SSH2: variants seen among roughly 807,000 people sequenced by gnomAD.
The protein encoded by SSH2 is slingshot protein phosphatase 2, also known as protein phosphatase Slingshot homolog 2.
In SSH2, 37 loss-of-function variants were observed where a neutral mutation model predicts 135.2. The observed-to-expected ratio is 0.27, with a 90% confidence interval of 0.21 to 0.36. The LOEUF (loss-of-function observed/expected upper bound fraction) is 0.36. Among genes scored for constraint, SSH2 ranks in the 10% least tolerant of loss-of-function variants. The pLI is 1.00. For synonymous variants in SSH2, 628 were observed against 646.2 expected (o/e 0.97, Z 0.43); for missense variants, 1,408 against 1,765.3 (o/e 0.80, Z 3.63).
At chr17:29,852,180 G>A (rs1182675054) in intron 1 of SSH2, among the ~76,000 whole-genome samples, 1 of 151,634 alleles carries the variant, frequency 6.6e-6, no homozygotes, top group East Asian at 1.9e-4. Flanking sequence ...TACTGGGGAG[G>A]CTGAGACAGA....
intron 14 of SSH2, chr17:29,643,335 T>G: frequency 1.0e-6 from 1 of 958,466 alleles, no homozygotes; most frequent in Non-Finnish European, 1.2e-6. Context: ...AGAGGCCTGA[T>G]TTGATTTGGG....
At chr17:29,834,112 A>G (rs1450890502) in intron 2 of SSH2, among the ~76,000 whole-genome samples, 2 of 151,848 alleles carry the variant, frequency 1.3e-5, no homozygotes, top group Non-Finnish European at 2.9e-5. Flanking sequence ...CTGATGACAA[A>G]TTAACTTGAT....
chr17:29,843,894 T>C (rs1046179975), intron 2 of SSH2, among the ~76,000 whole-genome samples: 21 of 152,148 alleles, frequency 1.4e-4, no homozygotes, highest in African/African-American at 5.1e-4. Context: ...ATGTTAAAAA[T>C]CCCATAGAAG....
chr17:29,832,895 G>C (rs567764717), intron 2 of SSH2, among the ~76,000 whole-genome samples: 2 of 152,198 alleles, frequency 1.3e-5, no homozygotes, highest in African/African-American at 4.8e-5. Flanking sequence ...TTGAACTCCT[G>C]GCCTCAGGTG....
At chr17:29,814,897 G>C (rs896048302) in intron 2 of SSH2, among the ~76,000 whole-genome samples, 1 of 151,086 alleles carries the variant, frequency 6.6e-6, no homozygotes, top group Non-Finnish European at 1.5e-5. Flanking sequence ...TATTATAATG[G>C]GAAAGTGAAT....
intron 1 of SSH2, among the ~76,000 whole-genome samples, chr17:29,888,970 A>G (rs897626208): frequency 6.6e-5 from 10 of 150,934 alleles, no homozygotes; most frequent in African/African-American, 2.2e-4. Context: ...AAAGAAAAGA[A>G]AAAAAGACTA....
At chr17:29,651,047 AAT>A (rs2036560557) in intron 12 of SSH2, among the ~76,000 whole-genome samples, 1 of 152,222 alleles carries the variant, frequency 6.6e-6, no homozygotes, top group Non-Finnish European at 1.5e-5. Context: ...TCAACATCTA[AAT>A]TCCATTTTCA....
At chr17:29,642,740 A>G (rs1177051907) in intron 14 of SSH2, among the ~76,000 whole-genome samples, 2 of 152,182 alleles carry the variant, frequency 1.3e-5, no homozygotes, top group African/African-American at 2.4e-5. Context: ...GGAGGTGCAA[A>G]AAGTCCCTTG....
chr17:29,717,686 A>T (rs1037409177), intron 3 of SSH2, among the ~76,000 whole-genome samples: 2 of 152,172 alleles, frequency 1.3e-5, no homozygotes, highest in Non-Finnish European at 2.9e-5. Context: ...TTAAACAGAG[A>T]TCTGTAGGAA....
intron 12 of SSH2, 105 bp from the exon 13 acceptor site, chr17:29,650,905 T>C: frequency 1.1e-6 from 1 of 901,968 alleles, no homozygotes; most frequent in African/African-American, 1.7e-5. Flanking sequence ...TAGACTGAAA[T>C]TAAATACAAA....
At chr17:29,703,130 C>A in intron 3 of SSH2, 68 bp from the exon 4 acceptor site, 1 of 1,097,914 alleles carries the variant, frequency 9.1e-7, no homozygotes, top group South Asian at 1.2e-5. Context: ...GATGGATAAC[C>A]ACTTTTGGAT....
intron 1 of SSH2, among the ~76,000 whole-genome samples, chr17:29,888,437 C>G (rs1358204295): frequency 1.3e-5 from 2 of 152,010 alleles, no homozygotes; most frequent in Non-Finnish European, 2.9e-5. Context: ...ACTGAAATCC[C>G]AAGAAAGCAG....
Position 29,676,856 on chromosome 17 carries a change from A to C in SSH2, c.578T>G (p.Val193Gly), listed in dbSNP as rs2151058633. ...CACAGATACAGGTTTGAATATGTGA[A>C]CTCTGTTATCCGTCGATACACTGAA... ...GGFSVSTDNR[V>G]HIFKPVSVQA... The change falls in exon 8 of 16, where the codon GTT becomes GGT. Residue 193 changes from valine (V) to glycine (G), a missense_variant. By Grantham distance (109) the Val-to-Gly change is moderately radical. Coordinates refer to ENST00000540801, the MANE Select transcript of SSH2 (RefSeq NM_001282129.2). The C allele has an allele frequency of 6.2e-7, 1 of 1,614,002 alleles. No homozygotes were observed. Among genetic ancestry groups the C allele is most frequent in the East Asian group, 2.2e-5 (1 of 44,860 alleles).
chr17:29,700,548 A>G (rs2151117848), intron 4 of SSH2, among the ~76,000 whole-genome samples: 1 of 152,282 alleles, frequency 6.6e-6, no homozygotes, highest in South Asian at 2.1e-4. Context: ...ACTCATTCCT[A>G]TGTGAACATT....
intron 5 of SSH2, among the ~76,000 whole-genome samples, chr17:29,685,706 T>C (rs2038184170): frequency 6.7e-6 from 1 of 148,852 alleles, no homozygotes; most frequent in Admixed American, 6.7e-5. Context: ...GGAGGATCAC[T>C]GGAACCCAGG....
At chr17:29,642,533 T>C (rs145291106) in intron 14 of SSH2, among the ~76,000 whole-genome samples, 207 of 152,156 alleles carry the variant, frequency 1.4e-3, no homozygotes, top group African/African-American at 4.7e-3. Flanking sequence ...GGCAGTTTAA[T>C]GGAGTTTTAA....
At position 29,632,347 on chromosome 17, in the gene SSH2, T is replaced by C. The variant is rs769971412; in HGVS notation, c.2847A>G (p.Ser949=). Residue 949 remains serine, a synonymous_variant, in exon 16 of 16, where the codon TCA becomes TCG. Transcript: ENST00000540801. Reference sequence around the variant, plus strand: ...TCATTTCTGGTTCCTTGAGGACAAATGAATGTTCTGGGGGGGCTTCATCAC... The same window carrying C: ...TCATTTCTGGTTCCTTGAGGACAAACGAATGTTCTGGGGGGGCTTCATCAC... The part of the protein sequence containing the change: ...GKSDEAPPEH[S]FVLKEPEMSK... 6.2e-7 allele frequency: 1 copy of C among 1,613,944 alleles called. No homozygotes were observed. The highest frequency in any genetic ancestry group is 1.7e-5 in the Admixed American group (1 of 60,024).
chr17:29,644,232 G>C (rs138752210), intron 14 of SSH2, among the ~76,000 whole-genome samples: 103 of 152,340 alleles, frequency 6.8e-4, no homozygotes, highest in Middle Eastern at 3.4e-3. Flanking sequence ...AGAGGGTTTG[G>C]CTATTGGGGA....
At chr17:29,922,943 C>T (rs1289303628) in intron 1 of SSH2, among the ~76,000 whole-genome samples, 1 of 152,180 alleles carries the variant, frequency 6.6e-6, no homozygotes, top group Admixed American at 6.5e-5. Context: ...CGGAGTCATG[C>T]TCTGTTACCC....
Sources: allele counts gnomAD v4.1 joint callset (sites outside exome capture counted in the v4.1 genomes callset), GRCh38; gene constraint gnomAD v4.1.1; transcripts MANE v1.5; gene names NCBI Gene and HGNC (gene_info 2026-07-23, HGNC 2026-07-21).